ADCY5: variants seen among roughly 807,000 people sequenced by gnomAD.
ADCY5 encodes the protein adenylate cyclase type 5.
In ADCY5, 30 loss-of-function variants were observed where a neutral mutation model predicts 119.7. The ratio of observed to expected loss-of-function variants is 0.25; its 90% confidence interval spans 0.19 to 0.34. ADCY5 has a LOEUF of 0.34. ADCY5 is among the 10% of genes least tolerant of loss of function. The pLI, the probability that ADCY5 is intolerant of heterozygous loss-of-function variation, is 1.00. For synonymous variants in ADCY5, 753 were observed against 762.2 expected (o/e 0.99, Z 0.20); for missense variants, 1,324 against 1,775.2 (o/e 0.75, Z 4.57).
At position 123,352,176 on chromosome 3, in the gene ADCY5, C is replaced by T. The variant is rs1942858844; in HGVS notation, c.1284+256G>A. 6.6e-6 allele frequency among the ~76,000 whole-genome samples: 1 copy of T among 152,130 alleles called. No homozygotes were observed. The highest frequency in any genetic ancestry group is 2.4e-5 in the African/African-American group (1 of 41,420). On this transcript the variant is annotated intron_variant, in intron 2 of 20. Coordinates refer to ENST00000462833, the MANE Select transcript of ADCY5 (RefSeq NM_183357.3). This position sits in a 1 kb window ranked among gnomAD's most constrained non-coding sequence, Gnocchi z 4.8. The stretch of plus-strand genomic sequence containing the variant: ...AGAGAGGGACCCTCTGGCTGCTGGG[C>T]TTGTTTGCAAACCACAGGGACGCCA...
intron 1 of ADCY5, among the ~76,000 whole-genome samples, chr3:123,441,117 C>G (rs962100865): frequency 6.6e-6 from 1 of 152,166 alleles, no homozygotes; most frequent in African/African-American, 2.4e-5. Flanking sequence ...GTAACCTGAG[C>G]CGTCTTCTTG....
chr3:123,440,926 G>C (rs1945710934), intron 1 of ADCY5, among the ~76,000 whole-genome samples: 1 of 152,198 alleles, frequency 6.6e-6, no homozygotes, highest in Non-Finnish European at 1.5e-5. Context: ...ATCTGCATCT[G>C]TGCATTAGTG....
chr3:123,407,421 T>C (rs57572875), intron 1 of ADCY5, among the ~76,000 whole-genome samples: 35,826 of 151,866 alleles, frequency 0.24, 4,641 homozygotes, highest in Middle Eastern at 0.36. Context: ...ACGAATAAAG[T>C]ACTGATTCAT....
intron 1 of ADCY5, among the ~76,000 whole-genome samples, chr3:123,417,535 T>A (rs193055686): frequency 6.6e-6 from 1 of 152,372 alleles, no homozygotes; most frequent in Admixed American, 6.5e-5. Flanking sequence ...GACAAGTCCT[T>A]ACTAAATGTC....
chr3:123,446,570 T>C (rs565951654), intron 1 of ADCY5, among the ~76,000 whole-genome samples: 5 of 152,216 alleles, frequency 3.3e-5, no homozygotes, highest in African/African-American at 4.8e-5. Flanking sequence ...ATAGCCAACA[T>C]GCCCCTCTCA....
intron 1 of ADCY5, among the ~76,000 whole-genome samples, chr3:123,365,855 G>A (rs1358091722): frequency 5.3e-5 from 8 of 152,120 alleles, no homozygotes; most frequent in African/African-American, 9.7e-5. Context: ...AATACAGCAT[G>A]GAGGTTAGGA....
intron 18 of ADCY5, among the ~76,000 whole-genome samples, chr3:123,290,739 A>ACC (rs1165994242): frequency 1.3e-5 from 2 of 151,818 alleles, no homozygotes; most frequent in African/African-American, 4.8e-5. Context: ...AGGCCCTGGG[A>ACC]CCCCATGCAC....
intron 1 of ADCY5, among the ~76,000 whole-genome samples, chr3:123,376,503 G>A (rs971880260): frequency 5.9e-5 from 9 of 152,122 alleles, no homozygotes; most frequent in Admixed American, 5.2e-4. Flanking sequence ...TTTGAGAAAA[G>A]TGTCATTAGA....
chr3:123,290,148 C>T (rs954190993), intron 18 of ADCY5, among the ~76,000 whole-genome samples, 194 bp from the exon 19 acceptor site: 11 of 152,274 alleles, frequency 7.2e-5, no homozygotes, highest in Non-Finnish European at 1.3e-4. Flanking sequence ...CCTCCACACT[C>T]ACTCACCCAC....
chr3:123,284,516 G>T lies in ADCY5; in HGVS notation c.*92C>A. On this transcript the variant is annotated 3_prime_UTR_variant, in exon 21 of 21. Transcript: ENST00000462833. Reference sequence around the variant, plus strand: ...TCTCAGCAGCGCAGCCCTGCGGGCTGGAGCATGGCTTCCCCGCCACCCCCG... The same window carrying T: ...TCTCAGCAGCGCAGCCCTGCGGGCTTGAGCATGGCTTCCCCGCCACCCCCG... 1 of 1,562,068 alleles carries T rather than the reference G, an allele frequency of 6.4e-7. No homozygotes were observed. Among genetic ancestry groups the T allele is most frequent in the Non-Finnish European group, 8.7e-7 (1 of 1,148,296 alleles).
At chr3:123,439,568 T>G (rs1026402732) in intron 1 of ADCY5, among the ~76,000 whole-genome samples, 1 of 152,220 alleles carries the variant, frequency 6.6e-6, no homozygotes, top group African/African-American at 2.4e-5. Context: ...ATCACAAGTA[T>G]AGATATACAG....
intron 9 of ADCY5, among the ~76,000 whole-genome samples, chr3:123,320,516 T>C (rs576659674): frequency 1.3e-5 from 2 of 152,296 alleles, no homozygotes; most frequent in South Asian, 2.1e-4. Flanking sequence ...GGAGATAAAA[T>C]GGGCAGTGCT....
intron 1 of ADCY5, among the ~76,000 whole-genome samples, chr3:123,432,152 A>G (rs1000236359): frequency 6.6e-6 from 1 of 152,184 alleles, no homozygotes; most frequent in African/African-American, 2.4e-5. Context: ...ACCATAATAC[A>G]TGGCAATAAA....
At chr3:123,355,639 A>G (rs1372136934) in intron 1 of ADCY5, among the ~76,000 whole-genome samples, 2 of 73,240 alleles carry the variant, frequency 2.7e-5, no homozygotes, top group Admixed American at 1.2e-4. Context: ...GTAGAAATCT[A>G]AAAAAAAAAA....
chr3:123,328,898 G>T (rs1421983413), intron 5 of ADCY5, 96 bp from the exon 6 acceptor site: 6 of 1,266,674 alleles, frequency 4.7e-6, no homozygotes, highest in Non-Finnish European at 6.6e-6. Flanking sequence ...GAAGGTGCGG[G>T]GGTCAAAGAG....
intron 1 of ADCY5, chr3:123,367,753 C>A: frequency 8.4e-7 from 1 of 1,188,888 alleles, no homozygotes; most frequent in Non-Finnish European, 1.1e-6. Context: ...TCCCTCGTGC[C>A]TTCCCCCATC....
At chr3:123,294,972 C>T (rs961472497) in intron 17 of ADCY5, among the ~76,000 whole-genome samples, 5 of 152,168 alleles carry the variant, frequency 3.3e-5, no homozygotes, top group Admixed American at 6.5e-5. Flanking sequence ...GGCAGGCTCA[C>T]ACAGGATCTT....
intron 5 of ADCY5, 26 bp from the exon 6 acceptor site, chr3:123,328,828 G>C (rs369091142): frequency 3.7e-6 from 6 of 1,609,926 alleles, no homozygotes; most frequent in Non-Finnish European, 5.1e-6. Flanking sequence ...GAGTAAAGCT[G>C]GGAGAAGGCT....
At chr3:123,437,232 G>A (rs931632045) in intron 1 of ADCY5, among the ~76,000 whole-genome samples, 6 of 152,132 alleles carry the variant, frequency 3.9e-5, no homozygotes, top group South Asian at 2.1e-4. Flanking sequence ...GAGGTCAAAC[G>A]AGCTGGGGCA....
Sources: gnomAD v4.1 joint callset for allele counts (sites outside exome capture counted in the v4.1 genomes callset) on GRCh38, gnomAD v4.1.1 for gene constraint, Gnocchi (gnomAD v3.1) non-coding constraint, MANE v1.5 for transcripts, NCBI Gene and HGNC (gene_info 2026-07-23, HGNC 2026-07-21) for gene names.